RAB6B: variants seen among roughly 807,000 people sequenced by gnomAD.
RAB6B encodes ras-related protein Rab-6B.
RAB6B carries 7 observed loss-of-function variants against 31.2 expected under a neutral mutation model. That is an observed-to-expected ratio of 0.22 (90% CI 0.13 to 0.42). The LOEUF (loss-of-function observed/expected upper bound fraction) is 0.42. Ranked by LOEUF, RAB6B falls within the 10% of genes least tolerant of loss-of-function variation. The pLI, the probability that RAB6B is intolerant of heterozygous loss-of-function variation, is 1.00. For synonymous variants in RAB6B, 105 were observed against 104.9 expected, an observed-to-expected ratio of 1.00 and a Z score of -0.01; for missense variants, 149 against 280.6, an observed-to-expected ratio of 0.53 and a Z score of 3.35.
At chr3:133,839,425 T>G (rs1314324294) in intron 5 of RAB6B, 81 bp downstream of exon 5, 4 of 1,220,536 alleles carry the variant, frequency 3.3e-6, no homozygotes, top group Non-Finnish European at 4.9e-6. Flanking sequence ...ACACCACCCA[T>G]GCATCCCAGA....
chr3:133,846,242 T>C (rs1012443185), intron 2 of RAB6B, among the ~76,000 whole-genome samples: 2 of 151,996 alleles, frequency 1.3e-5, no homozygotes, highest in Non-Finnish European at 2.9e-5. Flanking sequence ...AGGTCAGGAG[T>C]TTGAGACCAG....
intron 7 of RAB6B, among the ~76,000 whole-genome samples, chr3:133,829,146 C>T (rs966392969): frequency 6.6e-6 from 1 of 152,214 alleles, no homozygotes; most frequent in African/African-American, 2.4e-5. Context: ...AGCCTTCCCT[C>T]GACCAGTGCT....
intron 2 of RAB6B, among the ~76,000 whole-genome samples, chr3:133,848,114 T>C (rs944930663): frequency 5.3e-5 from 8 of 152,204 alleles, no homozygotes; most frequent in Non-Finnish European, 1.0e-4. Flanking sequence ...TGACTAAATA[T>C]AGTATATTCC....
Position 133,850,193 on chromosome 3 carries a change from G to A in RAB6B, c.130-8530C>T, listed in dbSNP as rs186918121. On this transcript the variant is annotated intron_variant, in intron 2 of 7. Transcript: ENST00000285208. Reference sequence around the variant, plus strand: ...ATAACTTTCAGTTGCTGCCTACCACGGGGGGGAGAATTGAGAATTTGGGTC... The same window carrying A: ...ATAACTTTCAGTTGCTGCCTACCACAGGGGGGAGAATTGAGAATTTGGGTC... 1.3e-3 allele frequency among the ~76,000 whole-genome samples: 202 copies of A among 152,074 alleles called. No homozygotes were observed. The Middle Eastern group carries it at 0.014, about 10-fold the overall frequency.
Position 133,828,021 on chromosome 3 carries a change from C to G in RAB6B, c.*767G>C. 1 of 702,674 alleles carries G rather than the reference C, an allele frequency of 1.4e-6. No individual in the cohort carries two copies. The highest frequency in any genetic ancestry group is 2.6e-6 in the Non-Finnish European group (1 of 384,894). The allele number at this position is 702,674 out of a possible 1,614,324, so 43.5% of individuals were successfully genotyped here. A position where few individuals can be genotyped will look rare whatever the true frequency, so the allele number is the denominator to read the frequency against. On this transcript the variant is annotated 3_prime_UTR_variant, in exon 8 of 8. Coordinates refer to ENST00000285208, the MANE Select transcript of RAB6B (RefSeq NM_016577.4). ...TGATGGCCTCTTGCTCTGCCAGTCC[C>G]TGAGGGCACAGAGAACACAAGGTTG... is the stretch of plus-strand genomic sequence containing the variant.
chr3:133,853,990 T>G (rs1452615143), intron 2 of RAB6B, among the ~76,000 whole-genome samples: 1 of 152,186 alleles, frequency 6.6e-6, no homozygotes, highest in East Asian at 1.9e-4. Flanking sequence ...GGAACAAAAG[T>G]AAATGGTGAT....
intron 2 of RAB6B, among the ~76,000 whole-genome samples, chr3:133,845,515 G>A (rs1935897395): frequency 6.6e-6 from 1 of 152,224 alleles, no homozygotes; most frequent in African/African-American, 2.4e-5. Flanking sequence ...TGAACTGTGA[G>A]CAATAAATGT....
At chr3:133,883,585 C>T (rs1467491858) in intron 1 of RAB6B, among the ~76,000 whole-genome samples, 2 of 152,132 alleles carry the variant, frequency 1.3e-5, no homozygotes, top group Non-Finnish European at 2.9e-5. Flanking sequence ...TTCTATGGAT[C>T]TCTCTTCCCC....
At chr3:133,831,964 C>T (rs1935661549) in intron 7 of RAB6B, among the ~76,000 whole-genome samples, 1 of 152,196 alleles carries the variant, frequency 6.6e-6, no homozygotes, top group African/African-American at 2.4e-5. Flanking sequence ...CACACCACAG[C>T]CCCATCAGAG....
intron 1 of RAB6B, among the ~76,000 whole-genome samples, chr3:133,892,211 A>G (rs1360457778): frequency 1.3e-5 from 2 of 151,998 alleles, no homozygotes; most frequent in African/African-American, 4.8e-5. Context: ...ACAGGGGCAT[A>G]CCCAATAGGC....
intron 2 of RAB6B, among the ~76,000 whole-genome samples, chr3:133,859,186 C>T (rs900330836): frequency 2.3e-4 from 35 of 152,280 alleles, no homozygotes; most frequent in Admixed American, 1.2e-3. Context: ...GTTATCTTGA[C>T]CAGACTGGTC....
In RAB6B at chr3:133,872,846, C is replaced by T. The variant is rs143198690; in HGVS notation, c.71-8204G>A. 3.7e-3 allele frequency among the ~76,000 whole-genome samples: 564 copies of T among 152,304 alleles called. 1 individual carries two copies. The highest frequency in any genetic ancestry group is 0.013 in the African/African-American group (522 of 41,558). On this transcript the variant is annotated intron_variant, in intron 1 of 7. Transcript: ENST00000285208. Reference sequence around the variant, plus strand: ...TGTGTTAATTCCCTCTGCTAGAGGACGCTCAGCCGCCTGGGCCTCACCCAG... The same window carrying T: ...TGTGTTAATTCCCTCTGCTAGAGGATGCTCAGCCGCCTGGGCCTCACCCAG...
chr3:133,882,274 C>T (rs1936479327), intron 1 of RAB6B, among the ~76,000 whole-genome samples: 1 of 152,222 alleles, frequency 6.6e-6, no homozygotes, highest in Admixed American at 6.5e-5. Context: ...GAGGGACTAT[C>T]CCATCACCTT....
chr3:133,876,833 G>C (rs1161029611), intron 1 of RAB6B, among the ~76,000 whole-genome samples: 1 of 152,068 alleles, frequency 6.6e-6, no homozygotes, highest in Non-Finnish European at 1.5e-5. Context: ...TGAAAATCAA[G>C]GCTGATAACC....
intron 2 of RAB6B, among the ~76,000 whole-genome samples, chr3:133,860,397 C>G (rs1183915844): frequency 2.0e-5 from 3 of 152,090 alleles, no homozygotes; most frequent in Non-Finnish European, 4.4e-5. Flanking sequence ...GAGGAAGGCC[C>G]GGAGGCACTG....
At chr3:133,882,112 T>C (rs75744903) in intron 1 of RAB6B, among the ~76,000 whole-genome samples, 2,906 of 152,248 alleles carry the variant, frequency 0.019, 110 homozygotes, top group East Asian at 0.17. Flanking sequence ...TGGTTCCTTG[T>C]GGTTGTAGGA....
intron 7 of RAB6B, among the ~76,000 whole-genome samples, chr3:133,830,175 G>A (rs1431139578): frequency 1.3e-5 from 2 of 152,182 alleles, no homozygotes; most frequent in African/African-American, 2.4e-5. Flanking sequence ...GGCCCATGCC[G>A]GCAGTGCAGT....
At chr3:133,856,913 A>G (rs1337433863) in intron 2 of RAB6B, among the ~76,000 whole-genome samples, 3 of 152,276 alleles carry the variant, frequency 2.0e-5, no homozygotes, top group East Asian at 3.9e-4. Context: ...CCCAGAACAT[A>G]ATGTCTGCAA....
At chr3:133,851,620 G>A (rs986366317) in intron 2 of RAB6B, among the ~76,000 whole-genome samples, 2 of 152,174 alleles carry the variant, frequency 1.3e-5, no homozygotes, top group African/African-American at 4.8e-5. Flanking sequence ...GACTCCATGG[G>A]TGTGAAAGAT....
Sources: gnomAD v4.1 joint callset for allele counts (sites outside exome capture counted in the v4.1 genomes callset) on GRCh38, gnomAD v4.1.1 for gene constraint, MANE v1.5 for transcripts, NCBI Gene and HGNC (gene_info 2026-07-23, HGNC 2026-07-21) for gene names.